Variants in SHISA6 observed in about 807,000 individuals in gnomAD.
SHISA6 encodes the protein protein shisa-6.
SHISA6 carries 22 observed loss-of-function variants against 47.9 expected under a neutral mutation model. The ratio of observed to expected loss-of-function variants is 0.46; its 90% CI spans 0.33 to 0.66. The LOEUF is 0.66. Among genes scored for constraint, SHISA6 ranks in the 30% least tolerant of loss-of-function variants. The probability of loss-of-function intolerance (pLI) is 0.02; values close to 1 mark genes in which losing one functional copy is unlikely to be tolerated. For synonymous variants in SHISA6, 388 were observed against 337.8 expected (o/e 1.15, Z -1.63); for missense variants, 680 against 764.6 (o/e 0.89, Z 1.30).
intron 2 of SHISA6, among the ~76,000 whole-genome samples, chr17:11,359,365 G>A (rs1334085371): frequency 1.3e-5 from 2 of 152,182 alleles, no homozygotes; most frequent in South Asian, 2.1e-4. Context: ...TGCAAACCCA[G>A]TCAAAATACT....
At chr17:11,456,447 G>A (rs938988075) in intron 3 of SHISA6, among the ~76,000 whole-genome samples, 1 of 152,204 alleles carries the variant, frequency 6.6e-6, no homozygotes, top group Admixed American at 6.5e-5. Flanking sequence ...TGGACCCTGG[G>A]TATGAGCACA....
intron 3 of SHISA6, among the ~76,000 whole-genome samples, chr17:11,444,015 CA>C (rs1915164104): frequency 6.6e-6 from 1 of 152,064 alleles, no homozygotes; most frequent in Non-Finnish European, 1.5e-5. Context: ...ATAGAAAGAT[CA>C]AGATCAAGAA....
At chr17:11,483,598 C>G (rs1916273540) in intron 3 of SHISA6, among the ~76,000 whole-genome samples, 1 of 152,176 alleles carries the variant, frequency 6.6e-6, no homozygotes, top group African/African-American at 2.4e-5. Flanking sequence ...TGATAAACCA[C>G]TTAGAGTACA....
intron 3 of SHISA6, among the ~76,000 whole-genome samples, chr17:11,534,173 T>C (rs1001681734): frequency 2.0e-5 from 3 of 149,522 alleles, no homozygotes; most frequent in Non-Finnish European, 4.5e-5. Context: ...TTTTTTTTTT[T>C]TTTTGTATTT....
Position 11,531,692 on chromosome 17 carries a change from G to A in SHISA6, c.896-20204G>A, listed in dbSNP as rs187701444. Among the ~76,000 whole-genome samples the A allele has an allele frequency of 2.6e-5, 4 of 152,286 alleles. No homozygotes were observed. The East Asian group carries it at 7.7e-4, about 29-fold the overall frequency. ...TCGAGTCCTTCACATTTATAACATT[G>A]ACAGTAATCAGTGGCTCCATGCATG... On this transcript the variant is annotated intron_variant, in intron 3 of 5. Coordinates refer to ENST00000441885, the MANE Select transcript of SHISA6 (RefSeq NM_207386.4).
Position 11,397,891 on chromosome 17 carries a change from C to T in SHISA6, c.895+18382C>T, listed in dbSNP as rs149381159. Among the ~76,000 whole-genome samples, 750 of 151,918 alleles carry T rather than the reference C, an allele frequency of 4.9e-3. 9 individuals are homozygous for T. Among genetic ancestry groups the T allele is most frequent in the African/African-American group, 0.017 (700 of 41,434 alleles). On this transcript the variant is annotated intron_variant, in intron 3 of 5. Coordinates refer to ENST00000441885, the MANE Select transcript of SHISA6 (RefSeq NM_207386.4). ...TGTCATATCCAAGGGAGATTAGAGC[C>T]CCCCCTTAGGCATCTTGTACATTAG...
At position 11,558,334 on chromosome 17, in the gene SHISA6, G is replaced by A. The variant is rs752239352; in HGVS notation, c.*30G>A. 6.5e-5 allele frequency: 100 copies of A among 1,528,614 alleles called. No homozygotes were observed. The highest frequency in any genetic ancestry group is 1.1e-4 in the African/African-American group (8 of 72,986). The allele number at this position is 1,528,614 out of a possible 1,614,324, so 94.7% of individuals were successfully genotyped here. On this transcript the variant is annotated 3_prime_UTR_variant, in exon 6 of 6. Coordinates refer to ENST00000441885, the MANE Select transcript of SHISA6 (RefSeq NM_207386.4). Reference sequence around the variant, plus strand: ...CGGGGCAGGGCCGGGGCTGCTGGGCGTGGCAGAGCAGAGCGGGGGCCGGGA... The same window carrying A: ...CGGGGCAGGGCCGGGGCTGCTGGGCATGGCAGAGCAGAGCGGGGGCCGGGA...
At chr17:11,526,892 T>TATAC (rs1220835544) in intron 3 of SHISA6, among the ~76,000 whole-genome samples, 10 of 13,132 alleles carry the variant, frequency 7.6e-4, no homozygotes, top group African/African-American at 4.7e-3. Flanking sequence ...TATATATATA[T>TATAC]ATATATATAT....
intron 3 of SHISA6, among the ~76,000 whole-genome samples, chr17:11,536,354 A>G (rs1276531193): frequency 1.3e-5 from 2 of 152,208 alleles, no homozygotes; most frequent in Non-Finnish European, 2.9e-5. Flanking sequence ...CACGCATAGC[A>G]TTACTGGGTA....
At chr17:11,349,175 G>C (rs1163440086) in intron 2 of SHISA6, among the ~76,000 whole-genome samples, 3 of 152,138 alleles carry the variant, frequency 2.0e-5, no homozygotes, top group African/African-American at 7.2e-5. Flanking sequence ...ATAAAAATTT[G>C]GCTGGAGTTC....
intron 3 of SHISA6, among the ~76,000 whole-genome samples, chr17:11,433,006 AC>A (rs1914829185): frequency 6.6e-6 from 1 of 152,234 alleles, no homozygotes; most frequent in African/African-American, 2.4e-5. Context: ...CTGTGAATAC[AC>A]AAAAAACCAT....
chr17:11,264,544 A>C (rs1392077494), intron 2 of SHISA6, among the ~76,000 whole-genome samples: 1 of 152,228 alleles, frequency 6.6e-6, no homozygotes, highest in African/African-American at 2.4e-5. Context: ...GAGTGTTTCC[A>C]GATAGCCTCT....
chr17:11,413,651 G>A (rs1455904566), intron 3 of SHISA6, among the ~76,000 whole-genome samples: 2 of 152,106 alleles, frequency 1.3e-5, no homozygotes, highest in African/African-American at 2.4e-5. Context: ...GGGGCACCAG[G>A]ACCACGTGCC....
intron 2 of SHISA6, among the ~76,000 whole-genome samples, chr17:11,334,147 G>A (rs1476752300): frequency 6.6e-6 from 1 of 152,130 alleles, no homozygotes; most frequent in Non-Finnish European, 1.5e-5. Context: ...TAGCCAGTTC[G>A]TTCAAAGTGC....
chr17:11,269,230 C>G (rs1481880237), intron 2 of SHISA6, among the ~76,000 whole-genome samples: 1 of 152,048 alleles, frequency 6.6e-6, no homozygotes, highest in Admixed American at 6.5e-5. Context: ...TTAGTAGAGA[C>G]GAAGTTTCAC....
intron 3 of SHISA6, among the ~76,000 whole-genome samples, chr17:11,513,307 G>A (rs1023160597): frequency 2.6e-5 from 4 of 152,026 alleles, no homozygotes; most frequent in Non-Finnish European, 1.5e-5. Flanking sequence ...TCTGAGAGGG[G>A]TGAAGTGGTA....
chr17:11,514,463 G>A (rs2071566226), intron 3 of SHISA6, among the ~76,000 whole-genome samples: 1 of 152,120 alleles, frequency 6.6e-6, no homozygotes, highest in Non-Finnish European at 1.5e-5. Flanking sequence ...CTTCTTCATA[G>A]AATTGCCATT....
chr17:11,283,356 T>C (rs1445197859), intron 2 of SHISA6, among the ~76,000 whole-genome samples: 1 of 152,228 alleles, frequency 6.6e-6, no homozygotes, highest in Non-Finnish European at 1.5e-5. Context: ...AAGCAATTTG[T>C]CTACCATTGC....
chr17:11,438,083 A>C (rs929919847), intron 3 of SHISA6, among the ~76,000 whole-genome samples: 9 of 152,194 alleles, frequency 5.9e-5, no homozygotes, highest in African/African-American at 2.2e-4. Context: ...TACCCTGCCA[A>C]CTGAGGGCCA....
Sources: allele counts gnomAD v4.1 joint callset (sites outside exome capture counted in the v4.1 genomes callset), GRCh38; gene constraint gnomAD v4.1.1; transcripts MANE v1.5; gene names NCBI Gene and HGNC (gene_info 2026-07-23, HGNC 2026-07-21).